The following NOVA1 variants were observed in gnomAD, a reference collection of about 807,000 sequenced individuals.
The protein encoded by NOVA1 is NOVA alternative splicing regulator 1.
A neutral mutation model predicts 38.0 loss-of-function variants in NOVA1; 7 were observed. The ratio of observed to expected loss-of-function variants is 0.18; its 90% confidence interval spans 0.10 to 0.35. NOVA1 has a LOEUF of 0.35. Ranked by LOEUF, NOVA1 falls within the 10% of genes least tolerant of loss-of-function variation. The probability of loss-of-function intolerance (pLI) is 1.00; values close to 1 mark genes in which losing one functional copy is unlikely to be tolerated. For missense variants in NOVA1, 460 were observed against 616.0 expected (o/e 0.75, Z 2.68); for synonymous variants, 270 against 232.5 (o/e 1.16, Z -1.47).
chr14:26,571,833 G>A (rs1262776761), intron 2 of NOVA1, among the ~76,000 whole-genome samples: 1 of 152,172 alleles, frequency 6.6e-6, no homozygotes, highest in Non-Finnish European at 1.5e-5. Flanking sequence ...TAAAAAGAAA[G>A]TTTTGCCCAT....
chr14:26,569,287 A>G (rs1290935611), intron 2 of NOVA1, among the ~76,000 whole-genome samples: 1 of 152,230 alleles, frequency 6.6e-6, no homozygotes, highest in African/African-American at 2.4e-5. Context: ...TTTAAAAAAT[A>G]TAACTGCAAT....
At position 26,531,639 on chromosome 14, in the gene NOVA1, G is replaced by C. The variant is rs1051629315; in HGVS notation, c.281-51496C>G. 2.1e-5 allele frequency among the ~76,000 whole-genome samples: 3 copies of C among 144,772 alleles called. No homozygotes were observed. In the South Asian group the frequency reaches 6.8e-4, roughly 33 times the overall value. The allele number at this position is 144,772 out of a possible 152,430, so 95.0% of individuals were successfully genotyped here. A position where few individuals can be genotyped will look rare whatever the true frequency, so the allele number is the denominator to read the frequency against. On this transcript the variant is annotated intron_variant, in intron 2 of 4. Coordinates refer to ENST00000539517, the MANE Select transcript of NOVA1 (RefSeq NM_002515.3). ...AAACAAAACAAAACAAAACTTGTAGGAGAAAATCTGACATTTGCAAGCATT... is the reference window on the plus strand; with the variant it reads ...AAACAAAACAAAACAAAACTTGTAGCAGAAAATCTGACATTTGCAAGCATT...
chr14:26,581,362 A>C (rs1893211574), intron 2 of NOVA1, among the ~76,000 whole-genome samples: 1 of 152,078 alleles, frequency 6.6e-6, no homozygotes, highest in Non-Finnish European at 1.5e-5. Context: ...TTAAATCTAT[A>C]ATTCAACAAA....
chr14:26,547,031 T>A (rs58787543), intron 2 of NOVA1, among the ~76,000 whole-genome samples: 16,556 of 152,016 alleles, frequency 0.11, 1,278 homozygotes, highest in African/African-American at 0.22. Flanking sequence ...AAAATAAAAT[T>A]AAATTAAATT....
chr14:26,588,980 T>C (rs1015150060), intron 2 of NOVA1, among the ~76,000 whole-genome samples: 1 of 151,212 alleles, frequency 6.6e-6, no homozygotes, highest in Admixed American at 6.6e-5. Flanking sequence ...GAAAAATACA[T>C]AGTTTACAAA....
At chr14:26,569,509 CAAA>C (rs1892341376) in intron 2 of NOVA1, among the ~76,000 whole-genome samples, 1 of 152,060 alleles carries the variant, frequency 6.6e-6, no homozygotes, top group African/African-American at 2.4e-5. Context: ...TTAACAAAAA[CAAA>C]GAAGTAGATG....
At chr14:26,530,552 A>T (rs1889641258) in intron 2 of NOVA1, among the ~76,000 whole-genome samples, 1 of 152,180 alleles carries the variant, frequency 6.6e-6, no homozygotes, top group African/African-American at 2.4e-5. Context: ...ATCTCTGGGA[A>T]AAGACTGGAA....
At chr14:26,472,240 A>C (rs771394235) in intron 4 of NOVA1, 80 bp downstream of exon 4, 80 of 826,050 alleles carry the variant, frequency 9.7e-5, no homozygotes, top group Non-Finnish European at 1.6e-4. Context: ...ATAAATCCTT[A>C]ACCCACCATT....
chr14:26,498,519 A>G (rs1886988043), intron 2 of NOVA1, among the ~76,000 whole-genome samples: 1 of 152,286 alleles, frequency 6.6e-6, no homozygotes, highest in East Asian at 1.9e-4. Context: ...AGAAAATGCC[A>G]TATTACCATA....
chr14:26,511,878 C>G (rs1009803359), intron 2 of NOVA1, among the ~76,000 whole-genome samples: 2 of 152,058 alleles, frequency 1.3e-5, no homozygotes, highest in African/African-American at 2.4e-5. Flanking sequence ...TCTAGGTAGT[C>G]TAGTAAATAC....
chr14:26,543,963 G>T (rs1259831601), intron 2 of NOVA1, among the ~76,000 whole-genome samples: 1 of 151,954 alleles, frequency 6.6e-6, no homozygotes. Flanking sequence ...AAGTAGCACC[G>T]TGATGCACTC....
rs539346125 is a variant in NOVA1 at position 26,488,727 on chromosome 14, A to G, written c.281-8584T>C. ...AAAACTGCCATAACAAATTTTTATT[A>G]AAGTGCAATTACATTTTATATGTAC... On this transcript the variant is annotated intron_variant, in intron 2 of 4. Transcript: ENST00000539517. Among the ~76,000 whole-genome samples, 10 of 152,260 alleles carry G rather than the reference A, an allele frequency of 6.6e-5. No individual in the cohort carries two copies. In the South Asian group the frequency reaches 8.3e-4, roughly 13 times the overall value.
chr14:26,462,231 A>G lies in NOVA1; in HGVS notation c.519+10089T>C, dbSNP rs1883741000. On this transcript the variant is annotated intron_variant, in intron 4 of 4. Transcript: ENST00000539517. ...TTCATAGATTTAAGTTGTATTAATT[A>G]GTAAACACCAACTATTCTCAATGCT... Among the ~76,000 whole-genome samples, 4 of 152,308 alleles carry G rather than the reference A, an allele frequency of 2.6e-5. No homozygotes were observed. The South Asian group carries it at 8.3e-4, about 32-fold the overall frequency.
At chr14:26,496,828 G>T (rs1886837604) in intron 2 of NOVA1, among the ~76,000 whole-genome samples, 1 of 151,992 alleles carries the variant, frequency 6.6e-6, no homozygotes, top group African/African-American at 2.4e-5. Context: ...ATTTCTGAGG[G>T]CTCTGTTCTG....
intron 2 of NOVA1, among the ~76,000 whole-genome samples, chr14:26,541,104 G>T (rs2138597105): frequency 6.6e-6 from 1 of 152,232 alleles, no homozygotes; most frequent in East Asian, 1.9e-4. Flanking sequence ...CATAAGCAAA[G>T]AATGATTGGG....
At position 26,443,093 on chromosome 14, in the gene NOVA1, G is replaced by T. The variant is rs996131908; in HGVS notation, c.*4866C>A. The T allele has an allele frequency of 6.6e-6, 1 of 151,948 alleles. No homozygotes were observed. The highest frequency in any genetic ancestry group is 1.5e-5 in the Non-Finnish European group (1 of 67,886). The allele number at this position is 151,948 out of a possible 1,614,324, so 9.4% of individuals were successfully genotyped here. A position where few individuals can be genotyped will look rare whatever the true frequency, so the allele number is the denominator to read the frequency against. On this transcript the variant is annotated 3_prime_UTR_variant, in exon 5 of 5. Coordinates refer to ENST00000539517, the MANE Select transcript of NOVA1 (RefSeq NM_002515.3). ...TAATTTAAATAATTAAAACTAATTTGTGTTTAAAGCTATTTGCAGATTTAT... is the reference window on the plus strand; with the variant it reads ...TAATTTAAATAATTAAAACTAATTTTTGTTTAAAGCTATTTGCAGATTTAT...
chr14:26,451,221 CTTTT>C (rs1264940205), intron 4 of NOVA1, among the ~76,000 whole-genome samples: 2 of 151,786 alleles, frequency 1.3e-5, no homozygotes, highest in Non-Finnish European at 2.9e-5. Context: ...CAGTTTTTTT[CTTTT>C]TAACTCTAAA....
At chr14:26,468,053 A>T (rs1884283693) in intron 4 of NOVA1, among the ~76,000 whole-genome samples, 1 of 152,166 alleles carries the variant, frequency 6.6e-6, no homozygotes, top group African/African-American at 2.4e-5. Context: ...CAATGTCATT[A>T]GCATGATTAA....
intron 2 of NOVA1, among the ~76,000 whole-genome samples, chr14:26,495,497 T>C (rs1270679832): frequency 6.6e-6 from 1 of 152,180 alleles, no homozygotes; most frequent in Non-Finnish European, 1.5e-5. Context: ...AAGCTTTTTT[T>C]TGTTGTTGTT....
Sources: allele counts gnomAD v4.1 joint callset (sites outside exome capture counted in the v4.1 genomes callset), GRCh38; gene constraint gnomAD v4.1.1; transcripts MANE v1.5; gene names NCBI Gene and HGNC (gene_info 2026-07-23, HGNC 2026-07-21).